The following PCDH9 variants were observed in gnomAD, a reference collection of about 807,000 sequenced individuals.
PCDH9 encodes protocadherin 9.
A neutral mutation model predicts 70.6 loss-of-function variants in PCDH9; 24 were observed. The ratio of observed to expected loss-of-function variants is 0.34; its 90% confidence interval spans 0.25 to 0.48. The LOEUF (loss-of-function observed/expected upper bound fraction) is 0.48, where lower values mean the gene tolerates loss of function less well. Among genes scored for constraint, PCDH9 ranks in the 20% least tolerant of loss-of-function variants. The pLI, the probability that PCDH9 is intolerant of heterozygous loss-of-function variation, is 0.99. For missense variants in PCDH9, 1,281 were observed against 1,503.6 expected (o/e 0.85, Z 2.45); for synonymous variants, 562 against 558.5 (o/e 1.01, Z -0.09).
intron 4 of PCDH9, among the ~76,000 whole-genome samples, chr13:66,599,292 T>C (rs1030997997): frequency 6.6e-6 from 1 of 151,794 alleles, no homozygotes; most frequent in African/African-American, 2.4e-5. Flanking sequence ...ATGTAATATG[T>C]ATTTGTTTTA....
intron 4 of PCDH9, among the ~76,000 whole-genome samples, chr13:66,608,149 T>C (rs1399086743): frequency 6.7e-6 from 1 of 149,968 alleles, no homozygotes; most frequent in East Asian, 1.9e-4. Flanking sequence ...ACAAGAGAGA[T>C]ATATGTGTTT....
intron 4 of PCDH9, among the ~76,000 whole-genome samples, chr13:66,405,521 A>G (rs1957265683): frequency 6.6e-6 from 1 of 152,210 alleles, no homozygotes; most frequent in African/African-American, 2.4e-5. Context: ...ATCTGAACAG[A>G]AAAATAGATT....
intron 3 of PCDH9, among the ~76,000 whole-genome samples, chr13:66,726,579 T>A (rs953441718): frequency 1.3e-5 from 2 of 152,278 alleles, no homozygotes; most frequent in South Asian, 4.1e-4. Context: ...GAGGCCCAGA[T>A]GTTTTAGGGC....
intron 4 of PCDH9, among the ~76,000 whole-genome samples, chr13:66,460,284 C>T (rs559935169): frequency 8.0e-4 from 121 of 151,906 alleles, no homozygotes; most frequent in Non-Finnish European, 1.4e-3. Flanking sequence ...AAATACAATA[C>T]AGATATCTAA....
At chr13:67,100,918 CA>C (rs146600550) in intron 2 of PCDH9, among the ~76,000 whole-genome samples, 5 of 151,636 alleles carry the variant, frequency 3.3e-5, no homozygotes, top group East Asian at 3.9e-4. Context: ...TGCAATCACT[CA>C]AAAAAAATGG....
intron 4 of PCDH9, among the ~76,000 whole-genome samples, chr13:66,392,704 T>C (rs1957039931): frequency 6.6e-6 from 1 of 152,092 alleles, no homozygotes; most frequent in African/African-American, 2.4e-5. Context: ...ATTTCTTATA[T>C]AGGTAAAAGT....
chr13:66,865,115 G>A (rs952106447), intron 3 of PCDH9, among the ~76,000 whole-genome samples: 1 of 152,258 alleles, frequency 6.6e-6, no homozygotes, highest in East Asian at 1.9e-4. Context: ...ATAAAATAAA[G>A]TTTTATTCTT....
chr13:67,148,140 T>C (rs921602164), intron 2 of PCDH9, among the ~76,000 whole-genome samples: 4 of 152,086 alleles, frequency 2.6e-5, no homozygotes, highest in Admixed American at 2.0e-4. Flanking sequence ...CAGAATTCAC[T>C]AAGTCTCAGT....
At chr13:66,427,942 TACA>T (rs1957701992) in intron 4 of PCDH9, among the ~76,000 whole-genome samples, 1 of 151,720 alleles carries the variant, frequency 6.6e-6, no homozygotes, top group Non-Finnish European at 1.5e-5. Flanking sequence ...CAGTAAGCAA[TACA>T]ACAAGATAAT....
At chr13:66,579,953 G>A (rs2076867403) in intron 4 of PCDH9, among the ~76,000 whole-genome samples, 1 of 151,964 alleles carries the variant, frequency 6.6e-6, no homozygotes, top group Non-Finnish European at 1.5e-5. Context: ...TATTTTCAGA[G>A]TCAAAATTAG....
At chr13:67,099,000 G>A (rs1049942688) in intron 2 of PCDH9, among the ~76,000 whole-genome samples, 14 of 152,110 alleles carry the variant, frequency 9.2e-5, no homozygotes, top group Non-Finnish European at 4.4e-5. Context: ...TGTAAAGAAT[G>A]ACCTCATGTT....
At chr13:67,154,114 G>A (rs2087736040) in intron 2 of PCDH9, among the ~76,000 whole-genome samples, 1 of 152,092 alleles carries the variant, frequency 6.6e-6, no homozygotes. Flanking sequence ...ACAAAAAACA[G>A]TACATGTATA....
chr13:67,130,904 CTG>C (rs1235125534), intron 2 of PCDH9, among the ~76,000 whole-genome samples: 3 of 152,098 alleles, frequency 2.0e-5, no homozygotes, highest in African/African-American at 7.2e-5. Context: ...CCCCCTCTTT[CTG>C]TGTGTGTGTC....
intron 3 of PCDH9, among the ~76,000 whole-genome samples, chr13:66,757,201 T>C (rs1388388453): frequency 1.3e-5 from 2 of 152,144 alleles, no homozygotes; most frequent in Non-Finnish European, 2.9e-5. Context: ...CCCTCTGTCT[T>C]CTAGAGCAAC....
At chr13:66,358,909 C>T (rs756923289) in intron 4 of PCDH9, among the ~76,000 whole-genome samples, 1 of 151,946 alleles carries the variant, frequency 6.6e-6, no homozygotes, top group Non-Finnish European at 1.5e-5. Context: ...TTTCACAAAG[C>T]TTCCCTCCCA....
chr13:66,581,805 C>T (rs2076895871), intron 4 of PCDH9, among the ~76,000 whole-genome samples: 1 of 151,196 alleles, frequency 6.6e-6, no homozygotes. Flanking sequence ...AATTGCCTAC[C>T]ACTGGAAGCT....
At chr13:66,678,011 G>T (rs945118768) in intron 3 of PCDH9, among the ~76,000 whole-genome samples, 1 of 152,078 alleles carries the variant, frequency 6.6e-6, no homozygotes, top group African/African-American at 2.4e-5. Flanking sequence ...AAATCAGAAA[G>T]AGTAATTTTC....
chr13:67,114,020 A>G (rs2086711831), intron 2 of PCDH9, among the ~76,000 whole-genome samples: 2 of 152,202 alleles, frequency 1.3e-5, no homozygotes, highest in South Asian at 2.1e-4. Flanking sequence ...GACTCAAATT[A>G]GAGGGCATAA....
At chr13:66,373,250 A>T (rs529352005) in intron 4 of PCDH9, among the ~76,000 whole-genome samples, 1 of 152,120 alleles carries the variant, frequency 6.6e-6, no homozygotes, top group East Asian at 1.9e-4. Context: ...ATACCAAGTG[A>T]TTTCATTTAT....
Sources: gnomAD v4.1 joint callset for allele counts (sites outside exome capture counted in the v4.1 genomes callset) on GRCh38, gnomAD v4.1.1 for gene constraint, MANE v1.5 for transcripts, NCBI Gene and HGNC (gene_info 2026-07-23, HGNC 2026-07-21) for gene names.